RABEP2: variants seen among roughly 807,000 people sequenced by gnomAD.
RABEP2 encodes rabaptin, RAB GTPase binding effector protein 2, also known as rab GTPase-binding effector protein 2.
Under a neutral mutation model 74.1 loss-of-function variants are expected in RABEP2, and 57 were observed. The observed-to-expected ratio is 0.77, with a 90% confidence interval of 0.62 to 0.96. RABEP2 has a LOEUF of 0.96. RABEP2 is among the 40% of genes least tolerant of loss of function. The pLI is 0.00. For synonymous variants in RABEP2, 351 were observed against 344.0 expected (o/e 1.02, Z -0.23); for missense variants, 692 against 756.3 (o/e 0.91, Z 1.00).
In RABEP2 at chr16:28,914,484, C is replaced by T; in HGVS notation, c.646G>A (p.Asp216Asn). The T allele has an allele frequency of 1.1e-5, 18 of 1,613,248 alleles. No homozygotes were observed. The highest frequency in any genetic ancestry group is 1.5e-5 in the Non-Finnish European group (18 of 1,179,812). Residue 216 changes from aspartate to asparagine, a missense_variant, in exon 5 of 13, where the codon GAT (aspartate) becomes AAT (asparagine). Transcript: ENST00000358201. ...AAGGCCTCAGCGGCTGGACCCCCAT[C>T]TCCGCTCAGCTCCTCCAGAGGCTCC... ...PLEPLEELSG[D>N]GGPAAEAFAH...
chr16:28,925,030 A>G, intron 1 of RABEP2, 73 bp downstream of exon 1: 1 of 1,001,864 alleles, frequency 1.0e-6, no homozygotes, highest in Non-Finnish European at 1.3e-6. Context: ...TCCACCCCCC[A>G]TCCGCAGGTG....
In RABEP2 at chr16:28,904,648, G is replaced by A. The variant is rs780154292; in HGVS notation, c.*295C>T. 3.2e-5 allele frequency: 26 copies of A among 810,378 alleles called. No homozygotes were observed. Among genetic ancestry groups the A allele is most frequent in the Admixed American group, 1.6e-4 (5 of 31,612 alleles). The allele number at this position is 810,378 out of a possible 1,614,324, so 50.2% of individuals were successfully genotyped here. On this transcript the variant is annotated 3_prime_UTR_variant, in exon 13 of 13. Transcript: ENST00000358201. ...GGCAGGGGACGGGCTGGGGGCAGGG[G>A]AGGGCTGGAGCCCAGGAGGCAGCAC... is the stretch of plus-strand genomic sequence containing the variant.
In RABEP2 at chr16:28,919,895, C is replaced by A. The variant is rs184703556; in HGVS notation, c.323G>T (p.Arg108Leu). 5.0e-6 allele frequency: 8 copies of A among 1,606,288 alleles called. No individual in the cohort carries two copies. The East Asian group carries it at 1.8e-4, about 36-fold the overall frequency. The change falls in exon 3 of 13, where the codon CGA becomes CTA. Residue 108 changes from arginine to leucine, a missense_variant. By Grantham distance (102) the Arg-to-Leu change is moderately radical (BLOSUM62 -2). Coordinates refer to ENST00000358201, the MANE Select transcript of RABEP2 (RefSeq NM_024816.3). Reference sequence around the variant, plus strand: ...CTCACAGTCCTGCTGCTGCTGCTGTCGCTCCTGCTTCAGGGCGGTGATCTG... The same window carrying A: ...CTCACAGTCCTGCTGCTGCTGCTGTAGCTCCTGCTTCAGGGCGGTGATCTG... ...EAQITALKQE[R>L]QQQQQDCEEK...
intron 7 of RABEP2, chr16:28,910,625 G>T: frequency 2.4e-6 from 1 of 422,146 alleles, no homozygotes; most frequent in African/African-American, 2.0e-5. Flanking sequence ...CATTATGTCA[G>T]TTTTATAGAT....
chr16:28,914,675 G>A lies in RABEP2; in HGVS notation c.540C>T (p.Ile180=), dbSNP rs771093761. The A allele has an allele frequency of 1.2e-6, 2 of 1,614,090 alleles. No individual in the cohort carries two copies. Among genetic ancestry groups the A allele is most frequent in the Non-Finnish European group, 1.7e-6 (2 of 1,179,956 alleles). Residue 180 remains isoleucine, a synonymous_variant, in exon 4 of 13, where the codon ATC becomes ATT. Transcript: ENST00000358201. ...LLRAEELIQE[I]QRRPRHAPSL... Reference sequence around the variant, plus strand: ...CGCCCCCTGGCCGTGCCCTCACCTGGATCTCCTGAATCAGCTCCTCGGCCC... The same window carrying A: ...CGCCCCCTGGCCGTGCCCTCACCTGAATCTCCTGAATCAGCTCCTCGGCCC...
At position 28,906,199 on chromosome 16, in the gene RABEP2, G is replaced by A. The variant is rs1162367702; in HGVS notation, c.1246-3C>T. 6.3e-7 allele frequency: 1 copy of A among 1,579,952 alleles called. No individual in the cohort carries two copies. The highest frequency in any genetic ancestry group is 2.3e-5 in the East Asian group (1 of 44,196). On this transcript the variant is annotated splice_region_variant and splice_polypyrimidine_tract_variant and intron_variant, in intron 8 of 12. Coordinates refer to ENST00000358201, the MANE Select transcript of RABEP2 (RefSeq NM_024816.3). Reference sequence around the variant, plus strand: ...CAGCACAGCAGCTGCTGCAGCTCCTGGAAGGGACGGAGGAGTCACCTGCTG... The same window carrying A: ...CAGCACAGCAGCTGCTGCAGCTCCTAGAAGGGACGGAGGAGTCACCTGCTG...
intron 5 of RABEP2, among the ~76,000 whole-genome samples, chr16:28,913,254 CTCA>C (rs2152220590): frequency 6.6e-6 from 1 of 151,636 alleles, no homozygotes; most frequent in Admixed American, 6.6e-5. Context: ...AGAGTACTTC[CTCA>C]CGCCATCTGG....
At position 28,905,970 on chromosome 16, in the gene RABEP2, C is replaced by T. The variant is rs781020923; in HGVS notation, c.1423+49G>A. On this transcript the variant is annotated intron_variant, in intron 9 of 12. Coordinates refer to ENST00000358201, the MANE Select transcript of RABEP2 (RefSeq NM_024816.3). ...GGGCCCCGGTGGCTCCCTGCAAGGC[C>T]GACAGGGGCCCTGGGCCCGGGGCTG... is the stretch of plus-strand genomic sequence containing the variant. The T allele has an allele frequency of 3.2e-5, 51 of 1,611,406 alleles. No individual in the cohort carries two copies. In the Admixed American group the frequency reaches 6.3e-4, roughly 20 times the overall value.
At chr16:28,917,396 T>C (rs1210267444) in intron 3 of RABEP2, among the ~76,000 whole-genome samples, 2 of 152,212 alleles carry the variant, frequency 1.3e-5, no homozygotes, top group Non-Finnish European at 2.9e-5. Context: ...TGAAATCTTC[T>C]CAAGCAAGCT....
At position 28,921,746 on chromosome 16, in the gene RABEP2, A is replaced by T. The variant is rs866369339; in HGVS notation, c.275-1803T>A. Reference sequence around the variant, plus strand: ...TTTGGGAGGCCGAGGTGGGCAGATCATCTAGGTCAGGAGTTCGAGACCAGC... The same window carrying T: ...TTTGGGAGGCCGAGGTGGGCAGATCTTCTAGGTCAGGAGTTCGAGACCAGC... On this transcript the variant is annotated intron_variant, in intron 2 of 12. Transcript: ENST00000358201. Among the ~76,000 whole-genome samples the T allele has an allele frequency of 1.7e-4, 25 of 146,660 alleles. No individual in the cohort carries two copies. The South Asian group carries it at 2.3e-3, about 14-fold the overall frequency.
intron 3 of RABEP2, among the ~76,000 whole-genome samples, chr16:28,915,942 C>T (rs564682802): frequency 5.9e-5 from 9 of 151,854 alleles, no homozygotes; most frequent in African/African-American, 1.9e-4. Context: ...TAGGTTCAAG[C>T]GATTCTCCTG....
chr16:28,907,491 G>T (rs1433179109), intron 8 of RABEP2, among the ~76,000 whole-genome samples: 1 of 151,932 alleles, frequency 6.6e-6, no homozygotes, highest in Non-Finnish European at 1.5e-5. Flanking sequence ...TAGAGACAGG[G>T]TCTTGCTTTG....
intron 2 of RABEP2, among the ~76,000 whole-genome samples, chr16:28,921,376 C>T (rs1964466129): frequency 6.6e-6 from 1 of 151,962 alleles, no homozygotes; most frequent in African/African-American, 2.4e-5. Flanking sequence ...CTCACTCTGC[C>T]TGCCTGGCCA....
chr16:28,915,744 T>C (rs1405966259), intron 3 of RABEP2, among the ~76,000 whole-genome samples: 1 of 150,104 alleles, frequency 6.7e-6, no homozygotes, highest in Admixed American at 6.7e-5. Context: ...AGGGTTTCAC[T>C]ATTTTGGCCA....
At position 28,905,403 on chromosome 16, in the gene RABEP2, G is replaced by T. The variant is rs754837333; in HGVS notation, c.1602C>A (p.Ala534=). 6.2e-7 allele frequency: 1 copy of T among 1,605,620 alleles called. No individual in the cohort carries two copies. Among genetic ancestry groups the T allele is most frequent in the African/African-American group, 1.3e-5 (1 of 74,974 alleles). ...GGGCTGGGACAGGCCATACCTGCAG[G>T]GCCTGGGACAGTCGCACGAAATCCC... The part of the protein sequence containing the change: ...VQRDFVRLSQ[A]LQVRLERIRQ... Residue 534 remains alanine, a synonymous_variant, in exon 12 of 13, where the codon GCC becomes GCA. Coordinates refer to ENST00000358201, the MANE Select transcript of RABEP2 (RefSeq NM_024816.3).
Position 28,904,853 on chromosome 16 carries a change from A to G in RABEP2, c.*90T>C. ...AACCCCAGTCTCAGGGACGGTGGAA[A>G]AGCCATCCAAGACCCCAGAGCGAGG... On this transcript the variant is annotated 3_prime_UTR_variant, in exon 13 of 13. Transcript: ENST00000358201. 1 of 995,506 alleles carries G rather than the reference A, an allele frequency of 1.0e-6. No individual in the cohort carries two copies. The highest frequency in any genetic ancestry group is 1.5e-6 in the Non-Finnish European group (1 of 668,722). 61.7% of individuals were successfully genotyped at this position (995,506 alleles called of 1,614,324 possible).
chr16:28,924,815 G>C (rs1465424723), intron 1 of RABEP2, 200 bp from the exon 2 acceptor site: 1 of 647,502 alleles, frequency 1.5e-6, no homozygotes, highest in Non-Finnish European at 2.8e-6. Flanking sequence ...ATCTCTTCGC[G>C]GTGGCCAGTT....
At position 28,906,020 on chromosome 16, in the gene RABEP2, T is replaced by C; in HGVS notation, c.1422A>G (p.Thr474=). The C allele has an allele frequency of 6.2e-7, 1 of 1,606,944 alleles. No individual in the cohort carries two copies. The highest frequency in any genetic ancestry group is 1.1e-5 in the South Asian group (1 of 90,520). The part of the protein sequence containing the change: ...EGQLRVQREE[T]EVLEASLCSL... Reference sequence around the variant, plus strand: ...GGGGGCTTGTGCCCCTCCCCTCACCTGTCTCCTCCCGCTGCACCCTCAGCT... The same window carrying C: ...GGGGGCTTGTGCCCCTCCCCTCACCCGTCTCCTCCCGCTGCACCCTCAGCT... Residue 474 remains threonine, a splice_region_variant and synonymous_variant, in exon 9 of 13, where the codon ACA becomes ACG. Coordinates refer to ENST00000358201, the MANE Select transcript of RABEP2 (RefSeq NM_024816.3).
At position 28,908,773 on chromosome 16, in the gene RABEP2, A is replaced by G. The variant is rs150432927; in HGVS notation, c.1090-9T>C. On this transcript the variant is annotated splice_polypyrimidine_tract_variant and intron_variant, in intron 7 of 12. Coordinates refer to ENST00000358201, the MANE Select transcript of RABEP2 (RefSeq NM_024816.3). ...GTGGTGACCAGCTCCGCCTATGGAC[A>G]GACAGTTAGTATAAGGCAATGAAGA... 218 of 1,613,472 alleles carry G rather than the reference A, an allele frequency of 1.4e-4. No homozygotes were observed. In the African/African-American group the frequency reaches 2.7e-3, roughly 20 times the overall value.
Sources: gnomAD v4.1 joint callset for allele counts (sites outside exome capture counted in the v4.1 genomes callset) on GRCh38, gnomAD v4.1.1 for gene constraint, MANE v1.5 for transcripts, NCBI Gene and HGNC (gene_info 2026-07-23, HGNC 2026-07-21) for gene names.